MYH4: variants seen among roughly 807,000 people sequenced by gnomAD.
MYH4 encodes the protein myosin heavy chain 4, also known as myosin-4.
In MYH4, 200 loss-of-function variants were observed where a neutral mutation model predicts 229.9. That is an observed-to-expected ratio of 0.87 (90% CI 0.78 to 0.98). The LOEUF is 0.98. Among genes scored for constraint, MYH4 ranks in the 50% least tolerant of loss-of-function variants. The probability of loss-of-function intolerance (pLI) is 0.00; values close to 1 mark genes in which losing one functional copy is unlikely to be tolerated. For synonymous variants in MYH4, 761 were observed against 834.6 expected (o/e 0.91, Z 1.52); for missense variants, 2,148 against 2,332.6 (o/e 0.92, Z 1.63).
intron 7 of MYH4, among the ~76,000 whole-genome samples, chr17:10,464,247 T>C (rs770177381): frequency 1.3e-5 from 2 of 152,134 alleles, no homozygotes; most frequent in African/African-American, 4.8e-5. Context: ...TAGCTCTCAC[T>C]TATAAGAGAA....
intron 25 of MYH4, 70 bp downstream of exon 25, chr17:10,452,717 C>T: frequency 6.7e-7 from 1 of 1,496,372 alleles, no homozygotes; most frequent in Non-Finnish European, 9.0e-7. Flanking sequence ...TTTTGGAGAT[C>T]TTTTTAGCGT....
intron 4 of MYH4, among the ~76,000 whole-genome samples, chr17:10,465,865 C>T (rs2072760081): frequency 6.8e-6 from 1 of 147,052 alleles, no homozygotes; most frequent in African/African-American, 2.5e-5. Flanking sequence ...AGCTCCGCCT[C>T]CCGGGTTCAC....
At chr17:10,465,747 C>T (rs2072756992) in intron 4 of MYH4, 149 bp from the exon 5 acceptor site, 1 of 855,772 alleles carries the variant, frequency 1.2e-6, no homozygotes. Flanking sequence ...ATCATTGCTG[C>T]TGCACAAAAT....
In MYH4 at chr17:10,452,160, A is replaced by T. The variant is rs145618858; in HGVS notation, c.3519T>A (p.Ala1173=). ...AQIEMNKKRE[A]EFQKMRRDLE... ...GGTCCCTGCGCATTTTCTGGAACTC[A>T]GCCTCCCGCTTCTTGTTCATCTCAA... The change falls in exon 27 of 40, where the codon GCT becomes GCA. Residue 1173 remains alanine (A), a synonymous_variant. Coordinates refer to ENST00000255381, the MANE Select transcript of MYH4 (RefSeq NM_017533.2). The T allele has an allele frequency of 5.2e-5, 84 of 1,613,954 alleles. 1 individual carries two copies. The African/African-American group carries it at 1.1e-3, about 21-fold the overall frequency.
At position 10,466,336 on chromosome 17, in the gene MYH4, A is replaced by G. The variant is rs1597425522; in HGVS notation, c.285T>C (p.Thr95=). ...YDKIEDMAMM[T]HLHEPAVLYN... ...ACAGCACAGCAGGCTCATGCAGGTG[A>G]GTCATCATGGCCATGTCCTCGATCT... is the stretch of plus-strand genomic sequence containing the variant. Residue 95 remains threonine (T), a synonymous_variant, in exon 4 of 40, where the codon ACT becomes ACC. Coordinates refer to ENST00000255381, the MANE Select transcript of MYH4 (RefSeq NM_017533.2). 1 of 1,614,178 alleles carries G rather than the reference A, an allele frequency of 6.2e-7. No individual in the cohort carries two copies. Among genetic ancestry groups the G allele is most frequent in the East Asian group, 2.2e-5 (1 of 44,878 alleles).
At position 10,464,597 on chromosome 17, in the gene MYH4, C is replaced by G. The variant is rs1273215925; in HGVS notation, c.534-11G>C. 2.5e-6 allele frequency: 4 copies of G among 1,613,842 alleles called. No individual in the cohort carries two copies. Among genetic ancestry groups the G allele is most frequent in the Non-Finnish European group, 3.4e-6 (4 of 1,179,944 alleles). ...GCACCAGATTCTCCACTATCAAGTT[C>G]AAACAGAAGAAAAGGTCAGAATCTA... On this transcript the variant is annotated splice_polypyrimidine_tract_variant and intron_variant, in intron 6 of 39. Transcript: ENST00000255381.
chr17:10,467,929 A>T (rs1031037370), intron 2 of MYH4, among the ~76,000 whole-genome samples: 2 of 152,254 alleles, frequency 1.3e-5, no homozygotes, highest in Non-Finnish European at 2.9e-5. Context: ...AATGATGGCG[A>T]CAACAGCAAT....
chr17:10,453,743 CTCT>C lies in MYH4; in HGVS notation c.2831_2833del (p.Lys944del), dbSNP rs1470681847. 6.2e-7 allele frequency: 1 copy of C among 1,613,928 alleles called. No homozygotes were observed. The highest frequency in any genetic ancestry group is 1.3e-5 in the African/African-American group (1 of 74,900). ...CTCTGAACATTCATCCTCCAGTTTC[CTCT>C]TCTTGGCTGTCAGCTCAGCATTGAT... is the stretch of plus-strand genomic sequence containing the variant. On this transcript the variant is annotated inframe_deletion, in exon 23 of 40. Coordinates refer to ENST00000255381, the MANE Select transcript of MYH4 (RefSeq NM_017533.2).
chr17:10,452,900 A>G lies in MYH4; in HGVS notation c.3144T>C (p.Leu1048=). Residue 1048 remains leucine, a synonymous_variant, in exon 25 of 40, where the codon CTT becomes CTC. Coordinates refer to ENST00000255381, the MANE Select transcript of MYH4 (RefSeq NM_017533.2). ...TCTTGGCTCTTTCTAAGTCCATGCA[A>G]AGTTTCTTTTCTTGTTCCAGAGATC... The part of the protein sequence containing the change: ...LEGSLEQEKK[L]CMDLERAKRK... 6.2e-7 allele frequency: 1 copy of G among 1,603,010 alleles called. No individual in the cohort carries two copies. Among genetic ancestry groups the G allele is most frequent in the South Asian group, 1.1e-5 (1 of 87,214 alleles).
chr17:10,459,471 T>A, intron 14 of MYH4, 50 bp from the exon 15 acceptor site: 1 of 1,613,964 alleles, frequency 6.2e-7, no homozygotes, highest in Non-Finnish European at 8.5e-7. Flanking sequence ...GTATTCTATC[T>A]ACAGAGTATC....
At position 10,454,547 on chromosome 17, in the gene MYH4, ATACT is replaced by A; in HGVS notation, c.2691+4_2691+7del. The A allele has an allele frequency of 6.2e-7, 1 of 1,613,346 alleles. No individual in the cohort carries two copies. Among genetic ancestry groups the A allele is most frequent in the Non-Finnish European group, 8.5e-7 (1 of 1,179,856 alleles). ...AGATGTGGCTGAACTGCAATGTATA[ATACT>A]TACAGCTTGAACTTGGAGTTGTAAG... On this transcript the variant is annotated splice_donor_5th_base_variant and intron_variant, in intron 22 of 39. Coordinates refer to ENST00000255381, the MANE Select transcript of MYH4 (RefSeq NM_017533.2).
intron 2 of MYH4, among the ~76,000 whole-genome samples, chr17:10,467,802 A>T (rs1380523032): frequency 6.6e-6 from 1 of 152,352 alleles, no homozygotes; most frequent in African/African-American, 2.4e-5. Flanking sequence ...CAAATTAATT[A>T]TGAGAAAATA....
chr17:10,463,630 T>A lies in MYH4; in HGVS notation c.662A>T (p.Asp221Val), dbSNP rs1424767307. ...TAGGGGGTTAGCACTGATGATTTGA[T>A]CTTCAAGGGTCCCCTTAAGAGAAAT... ...ASGKMQGTLE[D>V]QIISANPLLE... The change falls in exon 8 of 40, where the codon GAT becomes GTT. Residue 221 changes from aspartate to valine, a missense_variant. Coordinates refer to ENST00000255381, the MANE Select transcript of MYH4 (RefSeq NM_017533.2). 6.2e-7 allele frequency: 1 copy of A among 1,607,740 alleles called. No individual in the cohort carries two copies. Among genetic ancestry groups the A allele is most frequent in the Admixed American group, 1.7e-5 (1 of 58,272 alleles).
Position 10,460,282 on chromosome 17 carries a change from G to A in MYH4, c.1187C>T (p.Ala396Val). 6.2e-7 allele frequency: 1 copy of A among 1,613,598 alleles called. No individual in the cohort carries two copies. Among genetic ancestry groups the A allele is most frequent in the East Asian group, 2.2e-5 (1 of 44,866 alleles). Reference protein sequence around the residue: ...KAAYLTSLNSADLLKSLCYPR... With the variant: ...KAAYLTSLNSVDLLKSLCYPR... The stretch of plus-strand genomic sequence containing the variant: ...ATAGCAGAGAGATTTGAGCAGGTCA[G>A]CAGAGTTCAGACTTGTCAGATAAGC... Residue 396 changes from alanine to valine, a missense_variant, in exon 13 of 40, where the codon GCT becomes GTT. Coordinates refer to ENST00000255381, the MANE Select transcript of MYH4 (RefSeq NM_017533.2).
In MYH4 at chr17:10,460,118, A is replaced by G. The variant is rs2072684959; in HGVS notation, c.1267-17T>C. 1 of 1,614,016 alleles carries G rather than the reference A, an allele frequency of 6.2e-7. No homozygotes were observed. The highest frequency in any genetic ancestry group is 1.3e-5 in the African/African-American group (1 of 74,934). ...ATTGTACACCTTCAACAGAAGTGATAGTTTAGTTTTTTAAATTGAAAACAG... is the reference window on the plus strand; with the variant it reads ...ATTGTACACCTTCAACAGAAGTGATGGTTTAGTTTTTTAAATTGAAAACAG... On this transcript the variant is annotated splice_polypyrimidine_tract_variant and intron_variant, in intron 13 of 39. Coordinates refer to ENST00000255381, the MANE Select transcript of MYH4 (RefSeq NM_017533.2).
intron 30 of MYH4, 128 bp from the exon 31 acceptor site, chr17:10,449,175 C>A: frequency 1.3e-6 from 1 of 746,244 alleles, no homozygotes; most frequent in South Asian, 1.9e-5. Context: ...TTTTTCTAAA[C>A]ATTTTCACTC....
In MYH4 at chr17:10,465,535, C is replaced by A. The variant is rs777251315; in HGVS notation, c.412G>T (p.Glu138Ter). The change falls in exon 5 of 40, where the codon GAG (glutamate) becomes TAG (stop). Residue 138 changes from glutamate to a stop codon, truncating the protein, a stop_gained. Transcript: ENST00000255381. LOFTEE classifies it high-confidence loss of function. Reference sequence around the variant, plus strand: ...TTGCCTCGGTAGGCTGTCACCACCTCAGGGTTGTACACCGGCAGCCACTTG... The same window carrying A: ...TTGCCTCGGTAGGCTGTCACCACCTAAGGGTTGTACACCGGCAGCCACTTG... ...PYKWLPVYNPEVVTAYRGKKR... is the reference protein window; with the variant it reads ...PYKWLPVYNP The A allele has an allele frequency of 6.2e-7, 1 of 1,614,034 alleles. No individual in the cohort carries two copies. Among genetic ancestry groups the A allele is most frequent in the African/African-American group, 1.3e-5 (1 of 74,920 alleles).
At chr17:10,446,255 A>G (rs1171409851) in intron 35 of MYH4, among the ~76,000 whole-genome samples, 1 of 152,152 alleles carries the variant, frequency 6.6e-6, no homozygotes, top group East Asian at 1.9e-4. Context: ...AGTATACAGT[A>G]CTATATATTT....
intron 7 of MYH4, among the ~76,000 whole-genome samples, chr17:10,463,915 A>G (rs898233585): frequency 6.6e-6 from 1 of 152,178 alleles, no homozygotes; most frequent in Non-Finnish European, 1.5e-5. Flanking sequence ...TGCCCTATTC[A>G]TCTCATTCTC....
Sources: allele counts gnomAD v4.1 joint callset (sites outside exome capture counted in the v4.1 genomes callset), GRCh38; gene constraint gnomAD v4.1.1; transcripts MANE v1.5; gene names NCBI Gene and HGNC (gene_info 2026-07-23, HGNC 2026-07-21).